UNC80: variants seen among roughly 807,000 people sequenced by gnomAD.
UNC80 encodes unc-80 subunit of NALCN channel complex, also known as protein unc-80 homolog.
UNC80 carries 164 observed loss-of-function variants against 384.6 expected under a neutral mutation model. The observed-to-expected ratio is 0.43, with a 90% confidence interval of 0.38 to 0.49. UNC80 has a LOEUF of 0.49. UNC80 is among the 20% of genes least tolerant of loss of function. The probability of loss-of-function intolerance (pLI) is 0.00; values close to 1 mark genes in which losing one functional copy is unlikely to be tolerated. For missense variants in UNC80, 3,330 were observed against 4,143.0 expected (o/e 0.80, Z 5.39); for synonymous variants, 1,486 against 1,527.8 (o/e 0.97, Z 0.64).
At chr2:209,964,433 T>C (rs1302588378) in intron 51 of UNC80, among the ~76,000 whole-genome samples, 4 of 152,108 alleles carry the variant, frequency 2.6e-5, no homozygotes, top group Non-Finnish European at 5.9e-5. Context: ...ATAGATTAAA[T>C]TACACCGTGG....
intron 48 of UNC80, among the ~76,000 whole-genome samples, chr2:209,954,640 T>C (rs543663031): frequency 7.2e-5 from 11 of 152,348 alleles, no homozygotes; most frequent in African/African-American, 2.6e-4. Flanking sequence ...TTAGTTATTA[T>C]AGTATTTTAT....
In UNC80 at chr2:209,777,363, C is replaced by T. The variant is rs146163378; in HGVS notation, c.404C>T (p.Thr135Ile). 2.7e-3 allele frequency: 4,302 copies of T among 1,614,190 alleles called. 8 individuals are homozygous for T. The highest frequency in any genetic ancestry group is 3.3e-3 in the Admixed American group (201 of 60,018). The change falls in exon 4 of 65, where the codon ACA (threonine) becomes ATA (isoleucine). Residue 135 changes from threonine (T) to isoleucine (I), a missense_variant. Transcript: ENST00000673920. ...QDCNNERFGG[T>I]DRGSSWGGSS... ...TGCAACAATGAGCGGTTTGGGGGTA[C>T]AGACCGAGGCTCCAGCTGGGGTGGA...
chr2:209,888,589 G>GTT (rs1378166376), intron 26 of UNC80, among the ~76,000 whole-genome samples: 1 of 151,324 alleles, frequency 6.6e-6, no homozygotes, highest in East Asian at 2.0e-4. Context: ...TCTTTTATTG[G>GTT]TTTTTTTTGT....
intron 24 of UNC80, among the ~76,000 whole-genome samples, chr2:209,880,221 G>A (rs2085164104): frequency 6.6e-6 from 1 of 152,144 alleles, no homozygotes; most frequent in Admixed American, 6.6e-5. Context: ...TGTTACCATG[G>A]CCATTATCTG....
At chr2:209,898,396 A>G (rs1453593490) in intron 28 of UNC80, among the ~76,000 whole-genome samples, 1 of 152,140 alleles carries the variant, frequency 6.6e-6, no homozygotes, top group Non-Finnish European at 1.5e-5. Context: ...GCAAGGTTGG[A>G]TATATGTTCA....
chr2:209,953,506 C>G (rs2092285506), intron 47 of UNC80, among the ~76,000 whole-genome samples: 1 of 146,816 alleles, frequency 6.8e-6, no homozygotes, highest in Non-Finnish European at 1.5e-5. Context: ...TGCATAATAA[C>G]TACTTAATCT....
Position 209,862,583 on chromosome 2 carries a change from C to T in UNC80, c.3628-10175C>T, listed in dbSNP as rs888881846. Among the ~76,000 whole-genome samples, 50 of 144,040 alleles carry T rather than the reference C, an allele frequency of 3.5e-4. No homozygotes were observed. The South Asian group carries it at 4.8e-3, about 14-fold the overall frequency. 94.5% of individuals were successfully genotyped at this position (144,040 alleles called of 152,430 possible). On this transcript the variant is annotated intron_variant, in intron 22 of 64. Transcript: ENST00000673920. The stretch of plus-strand genomic sequence containing the variant: ...CTGTTTACCATTATGTAATGCCCTT[C>T]TTTGTCTTTTTTGATCTTTGTTGGT...
chr2:209,933,083 A>C (rs980438080), intron 38 of UNC80, among the ~76,000 whole-genome samples: 24 of 152,224 alleles, frequency 1.6e-4, no homozygotes, highest in African/African-American at 5.5e-4. Flanking sequence ...ATATTTGCAC[A>C]TTATTGAATA....
intron 21 of UNC80, 122 bp from the exon 22 acceptor site, chr2:209,849,328 AG>A: frequency 2.8e-6 from 3 of 1,053,188 alleles, no homozygotes; most frequent in Admixed American, 2.6e-5. Context: ...AGTGGAGTGA[AG>A]GAGAAAGTTT....
chr2:209,954,132 T>C lies in UNC80; in HGVS notation c.7319T>C (p.Val2440Ala). The C allele has an allele frequency of 6.4e-7, 1 of 1,550,948 alleles. No homozygotes were observed. The highest frequency in any genetic ancestry group is 8.7e-7 in the Non-Finnish European group (1 of 1,146,906). Residue 2440 changes from valine (V) to alanine (A), a missense_variant, in exon 48 of 65, where the codon GTT becomes GCT. Physicochemically the swap from Val to Ala is moderately conservative, Grantham distance 64 (BLOSUM62 0). Coordinates refer to ENST00000673920, the MANE Select transcript of UNC80 (RefSeq NM_001371986.1). ...LQMLMVLEAL[V>A]PCYLQKLKRQ... ...ATGCTGATGGTCTTAGAAGCCTTAG[T>C]TCCATGTTACCTACAAAAGCTAAAG...
chr2:209,922,454 G>C, intron 35 of UNC80, 71 bp downstream of exon 35: 1 of 1,450,676 alleles, frequency 6.9e-7, no homozygotes. Context: ...TTAATATCAT[G>C]ATCTCACTTG....
intron 13 of UNC80, among the ~76,000 whole-genome samples, chr2:209,822,729 G>A (rs2080229714): frequency 1.3e-5 from 2 of 151,746 alleles, no homozygotes; most frequent in African/African-American, 4.8e-5. Context: ...TATCCAAGTG[G>A]CATTTTAACC....
intron 9 of UNC80, among the ~76,000 whole-genome samples, chr2:209,816,541 A>G (rs547945108): frequency 5.6e-4 from 85 of 152,332 alleles, no homozygotes; most frequent in African/African-American, 2.0e-3. Context: ...TACCTACCAG[A>G]CTTGTTAAGA....
Position 209,929,882 on chromosome 2 carries a change from G to T in UNC80, c.5818G>T (p.Ala1940Ser). The T allele has an allele frequency of 2.0e-6, 3 of 1,528,242 alleles. No individual in the cohort carries two copies. Among genetic ancestry groups the T allele is most frequent in the Non-Finnish European group, 2.6e-6 (3 of 1,138,420 alleles). The allele number at this position is 1,528,242 out of a possible 1,614,324, so 94.7% of individuals were successfully genotyped here. ...REDGVAVSAV[A>S]QQVLWNCLIE... Reference sequence around the variant, plus strand: ...TTTCTCTTCTGAAGTGAGTGCTGTGGCTCAACAAGTCTTATGGAACTGTCT... The same window carrying T: ...TTTCTCTTCTGAAGTGAGTGCTGTGTCTCAACAAGTCTTATGGAACTGTCT... The change falls in exon 37 of 65, where the codon GCT becomes TCT. Residue 1940 changes from alanine (A) to serine (S), a missense_variant. Ala to Ser is a moderately conservative substitution (Grantham distance 99). Coordinates refer to ENST00000673920, the MANE Select transcript of UNC80 (RefSeq NM_001371986.1).
intron 29 of UNC80, among the ~76,000 whole-genome samples, chr2:209,909,789 A>C (rs986559692): frequency 2.6e-5 from 4 of 152,040 alleles, no homozygotes; most frequent in Non-Finnish European, 4.4e-5. Flanking sequence ...ATAGGAAAAA[A>C]TGTCATTGGT....
Position 209,777,488 on chromosome 2 carries a change from A to T in UNC80, c.529A>T (p.Ile177Phe), listed in dbSNP as rs750934932. 2 of 1,614,050 alleles carry T rather than the reference A, an allele frequency of 1.2e-6. No individual in the cohort carries two copies. The highest frequency in any genetic ancestry group is 1.7e-6 in the Non-Finnish European group (2 of 1,180,032). The change falls in exon 4 of 65, where the codon ATC becomes TTC. Residue 177 changes from isoleucine to phenylalanine, a missense_variant. By Grantham distance (21) the Ile-to-Phe change is conservative. This residue lies in a region of UNC80 where 937 missense variants were observed against 1,026.8 expected (regional missense o/e 0.91). Coordinates refer to ENST00000673920, the MANE Select transcript of UNC80 (RefSeq NM_001371986.1). Reference sequence around the variant, plus strand: ...CGAAGAAGAGAACAACCGAAGAAAGATCTTCCAGAACTCCATGGCTACTGT... The same window carrying T: ...CGAAGAAGAGAACAACCGAAGAAAGTTCTTCCAGAACTCCATGGCTACTGT... ...NDEEENNRRKIFQNSMATVEL... is the reference protein window; with the variant it reads ...NDEEENNRRKFFQNSMATVEL...
intron 6 of UNC80, 47 bp from the exon 7 acceptor site, chr2:209,793,673 C>T: frequency 6.2e-7 from 1 of 1,600,682 alleles, no homozygotes; most frequent in Non-Finnish European, 8.5e-7. Flanking sequence ...CAGGGGAAAA[C>T]AAAAAACAAA....
At chr2:209,910,779 A>G (rs2088838531) in intron 29 of UNC80, among the ~76,000 whole-genome samples, 1 of 151,976 alleles carries the variant, frequency 6.6e-6, no homozygotes, top group African/African-American at 2.4e-5. Flanking sequence ...CAAAAGAGAA[A>G]GTGGTAAAAT....
At chr2:209,978,752 A>C in intron 59 of UNC80, 44 bp downstream of exon 59, 1 of 1,450,514 alleles carries the variant, frequency 6.9e-7, no homozygotes, top group African/African-American at 1.4e-5. Flanking sequence ...TGGCCTGGCC[A>C]TACGAGCAGG....
Sources: gnomAD v4.1 joint callset for allele counts (sites outside exome capture counted in the v4.1 genomes callset) on GRCh38, gnomAD v4.1.1 for gene constraint, gnomAD v4.1.1 regional missense constraint, MANE v1.5 for transcripts, NCBI Gene and HGNC (gene_info 2026-07-23, HGNC 2026-07-21) for gene names.